CNTNAP5: variants seen among roughly 807,000 people sequenced by gnomAD.
CNTNAP5 encodes the protein contactin-associated protein-like 5.
A neutral mutation model predicts 150.2 loss-of-function variants in CNTNAP5; 72 were observed. The ratio of observed to expected loss-of-function variants is 0.48; its 90% CI spans 0.40 to 0.58. The LOEUF (loss-of-function observed/expected upper bound fraction) is 0.58. Among genes scored for constraint, CNTNAP5 ranks in the 20% least tolerant of loss-of-function variants. The pLI is 0.00. For synonymous variants in CNTNAP5, 672 were observed against 619.8 expected, an observed-to-expected ratio of 1.08 and a Z score of -1.25; for missense variants, 1,636 against 1,626.2, an observed-to-expected ratio of 1.01 and a Z score of -0.10.
At chr2:124,859,502 G>A (rs1037874794) in intron 19 of CNTNAP5, among the ~76,000 whole-genome samples, 8 of 152,166 alleles carry the variant, frequency 5.3e-5, no homozygotes, top group East Asian at 3.9e-4. Context: ...TCATTGTGGC[G>A]ATTCCTCAGG....
intron 3 of CNTNAP5, among the ~76,000 whole-genome samples, chr2:124,266,857 G>T (rs181358714): frequency 6.6e-6 from 1 of 152,170 alleles, no homozygotes; most frequent in Admixed American, 6.5e-5. Flanking sequence ...ATGGCAAAAA[G>T]ACAGCATCTT....
intron 3 of CNTNAP5, among the ~76,000 whole-genome samples, chr2:124,378,099 C>G (rs1008403087): frequency 6.6e-6 from 1 of 152,040 alleles, no homozygotes; most frequent in Non-Finnish European, 1.5e-5. Flanking sequence ...GGGACTGATG[C>G]TTACTTAAAA....
chr2:124,079,198 G>A (rs1682504708), intron 1 of CNTNAP5, among the ~76,000 whole-genome samples: 1 of 152,196 alleles, frequency 6.6e-6, no homozygotes, highest in African/African-American at 2.4e-5. Flanking sequence ...GTAATAGGCA[G>A]AAAATTTGAT....
At chr2:124,118,008 C>A (rs1223898355) in intron 1 of CNTNAP5, among the ~76,000 whole-genome samples, 1 of 152,078 alleles carries the variant, frequency 6.6e-6, no homozygotes. Flanking sequence ...AACACAGAAG[C>A]ATACATTTAA....
At chr2:124,084,369 C>T (rs1464718203) in intron 1 of CNTNAP5, among the ~76,000 whole-genome samples, 4 of 151,754 alleles carry the variant, frequency 2.6e-5, no homozygotes, top group Admixed American at 2.6e-4. Flanking sequence ...TGGGTTCCAG[C>T]GATTCTCCTG....
chr2:124,049,438 A>G (rs1374275495), intron 1 of CNTNAP5, among the ~76,000 whole-genome samples: 2 of 152,230 alleles, frequency 1.3e-5, no homozygotes, highest in Non-Finnish European at 2.9e-5. Context: ...CAACCTGAAC[A>G]GTCAAAACTT....
intron 20 of CNTNAP5, among the ~76,000 whole-genome samples, chr2:124,866,579 G>A (rs1310195067): frequency 2.0e-5 from 3 of 152,018 alleles, no homozygotes; most frequent in African/African-American, 7.2e-5. Context: ...CCACAGGGAG[G>A]AGGAGAGTGC....
chr2:124,312,612 C>G (rs1688858896), intron 3 of CNTNAP5, among the ~76,000 whole-genome samples: 1 of 152,152 alleles, frequency 6.6e-6, no homozygotes, highest in African/African-American at 2.4e-5. Flanking sequence ...GCTCTTTCGC[C>G]CAGGCCGGAC....
At chr2:124,294,199 G>T (rs888263186) in intron 3 of CNTNAP5, among the ~76,000 whole-genome samples, 2 of 68,716 alleles carry the variant, frequency 2.9e-5, no homozygotes, top group Non-Finnish European at 5.9e-5. Flanking sequence ...ATTTATTCAA[G>T]AAATATTTAG....
chr2:124,575,219 T>C (rs752428854), intron 11 of CNTNAP5, among the ~76,000 whole-genome samples: 36 of 152,228 alleles, frequency 2.4e-4, no homozygotes, highest in Non-Finnish European at 4.7e-4. Context: ...ATTGTGACTC[T>C]TTCCAAGATT....
At chr2:124,127,107 A>G (rs1683725064) in intron 1 of CNTNAP5, among the ~76,000 whole-genome samples, 1 of 152,176 alleles carries the variant, frequency 6.6e-6, no homozygotes, top group Non-Finnish European at 1.5e-5. Context: ...CTAGGAAAAG[A>G]AGCAGTCAAA....
chr2:124,622,124 C>G (rs1573503104), intron 12 of CNTNAP5, among the ~76,000 whole-genome samples: 1 of 152,002 alleles, frequency 6.6e-6, no homozygotes, highest in East Asian at 1.9e-4. Flanking sequence ...CCCCCGAACC[C>G]CCACCCTTTG....
intron 8 of CNTNAP5, among the ~76,000 whole-genome samples, chr2:124,519,534 C>A (rs897144934): frequency 6.6e-6 from 1 of 152,154 alleles, no homozygotes. Context: ...TCCCTTTGAA[C>A]GCTGGCTCTG....
intron 19 of CNTNAP5, among the ~76,000 whole-genome samples, chr2:124,855,807 C>A (rs568678228): frequency 6.6e-6 from 1 of 151,684 alleles, no homozygotes; most frequent in Non-Finnish European, 1.5e-5. Flanking sequence ...TTTGCTGCAC[C>A]CATCACCCAA....
At chr2:124,776,285 T>G (rs1395777471) in intron 17 of CNTNAP5, among the ~76,000 whole-genome samples, 1 of 118,102 alleles carries the variant, frequency 8.5e-6, no homozygotes, top group East Asian at 2.1e-4. Flanking sequence ...CATGGGCCTA[T>G]TTTTTTTTTC....
At chr2:124,333,122 G>T (rs556617405) in intron 3 of CNTNAP5, among the ~76,000 whole-genome samples, 1 of 152,174 alleles carries the variant, frequency 6.6e-6, no homozygotes, top group South Asian at 2.1e-4. Flanking sequence ...GATAATTGGA[G>T]CCTGGCGCTT....
chr2:124,759,091 A>C (rs1263053669), intron 14 of CNTNAP5, among the ~76,000 whole-genome samples: 1 of 151,984 alleles, frequency 6.6e-6, no homozygotes, highest in Non-Finnish European at 1.5e-5. Flanking sequence ...GGAAAAGAGA[A>C]TACAGAACAT....
intron 4 of CNTNAP5, among the ~76,000 whole-genome samples, chr2:124,424,584 C>A (rs1692195171): frequency 6.6e-6 from 1 of 152,136 alleles, no homozygotes; most frequent in African/African-American, 2.4e-5. Context: ...TATGAAGAGA[C>A]AAATGTACAC....
chr2:124,528,474 A>G (rs1182525860), intron 10 of CNTNAP5, among the ~76,000 whole-genome samples: 1 of 152,188 alleles, frequency 6.6e-6, no homozygotes, highest in Non-Finnish European at 1.5e-5. Context: ...GAAAGCATGG[A>G]TTGCAAGTAT....
Sources: allele counts gnomAD v4.1 joint callset (sites outside exome capture counted in the v4.1 genomes callset), GRCh38; gene constraint gnomAD v4.1.1; transcripts MANE v1.5; gene names NCBI Gene and HGNC (gene_info 2026-07-23, HGNC 2026-07-21).